PHKA2: variants seen among roughly 807,000 people sequenced by gnomAD.
The protein encoded by PHKA2 is phosphorylase kinase regulatory subunit alpha 2.
In PHKA2, 31 loss-of-function variants were observed where a neutral mutation model predicts 102.0. That is an observed-to-expected ratio of 0.30 (90% CI 0.23 to 0.41). PHKA2 has a LOEUF of 0.41. Ranked by LOEUF, PHKA2 falls within the 10% of genes least tolerant of loss-of-function variation. The pLI, the probability that PHKA2 is intolerant of heterozygous loss-of-function variation, is 1.00. For missense variants in PHKA2, 858 were observed against 1,023.1 expected (o/e 0.84, Z 2.20); for synonymous variants, 455 against 416.2 (o/e 1.09, Z -1.13).
chrX:18,941,114 C>T (rs183421314), intron 8 of PHKA2, among the ~76,000 whole-genome samples: 2 of 112,364 alleles, frequency 1.8e-5, no homozygotes, highest in African/African-American at 3.2e-5. Context: ...TACTGCATTT[C>T]ACCTCAAAAC....
intron 22 of PHKA2, among the ~76,000 whole-genome samples, chrX:18,907,312 T>C (rs1237228751): frequency 8.9e-6 from 1 of 112,251 alleles, no homozygotes. Context: ...CTGTCTCCAA[T>C]GTGTGGCCCC....
intron 32 of PHKA2, 51 bp downstream of exon 32, chrX:18,894,153 C>T: frequency 9.4e-7 from 1 of 1,062,436 alleles, no homozygotes. Context: ...ACAGAATCTC[C>T]AGCCTCAACA....
chrX:18,950,428 C>A (rs754463602), intron 4 of PHKA2, among the ~76,000 whole-genome samples: 1 of 111,167 alleles, frequency 9.0e-6, no homozygotes, highest in African/African-American at 3.3e-5. Flanking sequence ...GCTCCAGGAA[C>A]TAGGAGAGAG....
intron 26 of PHKA2, among the ~76,000 whole-genome samples, chrX:18,902,475 T>C (rs1383559770): frequency 9.3e-6 from 1 of 107,099 alleles, no homozygotes; most frequent in East Asian, 3.2e-4. Context: ...TAATAAAACA[T>C]ACCCGGCCAG....
At chrX:18,902,090 C>A (rs751922318) in intron 26 of PHKA2, among the ~76,000 whole-genome samples, 1 of 111,252 alleles carries the variant, frequency 9.0e-6, no homozygotes, top group Non-Finnish European at 1.9e-5. Context: ...ATCCGCCCAC[C>A]TTGACCTCCC....
chrX:18,950,096 G>A (rs762019728), intron 4 of PHKA2, among the ~76,000 whole-genome samples: 46 of 111,772 alleles, frequency 4.1e-4, no homozygotes, highest in Non-Finnish European at 7.5e-4. Flanking sequence ...GGGAAAGAGA[G>A]AGGCCTGGCG....
chrX:18,982,760 A>T lies in PHKA2; in HGVS notation c.78+1095T>A, dbSNP rs751926507. On this transcript the variant is annotated intron_variant, in intron 1 of 32. Transcript: ENST00000379942. ...GAGGCAGGATAATCGCTTGAACCCG[A>T]GAGGCAGAGGTTTCAGTGAGCCGAG... Among the ~76,000 whole-genome samples, 3 of 111,769 alleles carry T rather than the reference A, an allele frequency of 2.7e-5. No homozygotes were observed. In the East Asian group the frequency reaches 8.5e-4, roughly 32 times the overall value.
At chrX:18,951,037 G>A in intron 4 of PHKA2, 67 bp downstream of exon 4, 3 of 1,090,339 alleles carry the variant, frequency 2.8e-6, no homozygotes, top group Middle Eastern at 2.5e-4. Flanking sequence ...GCCGCTACCT[G>A]TCCTCCTCCC....
At chrX:18,929,652 G>A (rs923478588) in intron 12 of PHKA2, among the ~76,000 whole-genome samples, 1 of 111,442 alleles carries the variant, frequency 9.0e-6, no homozygotes, top group Non-Finnish European at 1.9e-5. Flanking sequence ...CTCCTGACAG[G>A]TAGGCACTAC....
rs753674873 is a variant in PHKA2, at chrX:18,906,550, A to G, written c.2751T>C (p.Ile917=). The part of the protein sequence containing the change: ...SLFVEMLRLR[I]GLIIQVMATE... ...TGGCCATCACCTGAATGATCAGTCC[A>G]ATCCGGAGTCTCAGCATCTCCACAA... The change falls in exon 25 of 33, where the codon ATT becomes ATC. Residue 917 remains isoleucine (I), a synonymous_variant. Transcript: ENST00000379942. The G allele has an allele frequency of 5.8e-6, 7 of 1,209,225 alleles. No homozygotes were observed. The African/African-American group carries it at 1.2e-4, about 21-fold the overall frequency.
intron 13 of PHKA2, among the ~76,000 whole-genome samples, chrX:18,927,371 A>G (rs2048229229): frequency 8.9e-6 from 1 of 112,259 alleles, no homozygotes; most frequent in Non-Finnish European, 1.9e-5. Flanking sequence ...GAGAAGGGAC[A>G]GTGCTTTGGC....
intron 31 of PHKA2, 197 bp downstream of exon 31, chrX:18,894,941 G>A: frequency 2.1e-6 from 1 of 478,171 alleles, no homozygotes; most frequent in Non-Finnish European, 3.7e-6. Flanking sequence ...CTCAGGTGAA[G>A]AAAAAGGCTG....
intron 32 of PHKA2, 182 bp downstream of exon 32, chrX:18,894,022 C>T (rs543162549): frequency 5.4e-5 from 27 of 496,460 alleles, no homozygotes; most frequent in Middle Eastern, 1.1e-3. Context: ...CTATCCATCC[C>T]CAAAGGTCTT....
At chrX:18,974,540 C>G (rs1165334496) in intron 1 of PHKA2, among the ~76,000 whole-genome samples, 1 of 111,671 alleles carries the variant, frequency 9.0e-6, no homozygotes, top group Non-Finnish European at 1.9e-5. Flanking sequence ...TAACAAAATA[C>G]CATAGATCGG....
chrX:18,966,807 G>A (rs769909794), intron 1 of PHKA2, among the ~76,000 whole-genome samples: 9 of 111,936 alleles, frequency 8.0e-5, no homozygotes, highest in Non-Finnish European at 1.5e-4. Context: ...AGTGCTGCCC[G>A]AAATGCTGGA....
Position 18,893,452 on chromosome X carries a change from A to C in PHKA2, c.*33T>G. On this transcript the variant is annotated 3_prime_UTR_variant, in exon 33 of 33. Coordinates refer to ENST00000379942, the MANE Select transcript of PHKA2 (RefSeq NM_000292.3). ...AGTAAGGCTAGGGGGCACGTGACAG[A>C]TTGAGAGTGTGATCATGTTTCCAGG... 1 of 1,193,086 alleles carries C rather than the reference A, an allele frequency of 8.4e-7. No individual in the cohort carries two copies. Among genetic ancestry groups the C allele is most frequent in the Admixed American group, 2.2e-5 (1 of 45,612 alleles).
At chrX:18,897,094 G>C (rs1392125591) in intron 30 of PHKA2, 69 bp downstream of exon 30, 7 of 1,124,297 alleles carry the variant, frequency 6.2e-6, no homozygotes, top group Non-Finnish European at 8.6e-6. Flanking sequence ...TCGCCTGGAG[G>C]TGCCACCATG....
chrX:18,929,147 A>G (rs2048268555), intron 13 of PHKA2, 81 bp downstream of exon 13: 1 of 713,810 alleles, frequency 1.4e-6, no homozygotes, highest in Non-Finnish European at 2.2e-6. Context: ...AAAAAATTAA[A>G]TAAGAAACTA....
chrX:18,966,150 C>T (rs1253901284), intron 1 of PHKA2, among the ~76,000 whole-genome samples: 1 of 102,854 alleles, frequency 9.7e-6, no homozygotes, highest in East Asian at 3.0e-4. Flanking sequence ...TGCATTGGCG[C>T]GATCTCGGCT....
Sources: gnomAD v4.1 joint callset for allele counts (sites outside exome capture counted in the v4.1 genomes callset) on GRCh38, gnomAD v4.1.1 for gene constraint, MANE v1.5 for transcripts, NCBI Gene and HGNC (gene_info 2026-07-23, HGNC 2026-07-21) for gene names.